CLIP1: variants seen among roughly 807,000 people sequenced by gnomAD.
CLIP1 encodes the protein CAP-Gly domain-containing linker protein 1.
Under a neutral mutation model 161.6 loss-of-function variants are expected in CLIP1, and 66 were observed. That is an observed-to-expected ratio of 0.41 (90% CI 0.33 to 0.50). The LOEUF (loss-of-function observed/expected upper bound fraction) is 0.50. Ranked by LOEUF, CLIP1 falls within the 20% of genes least tolerant of loss-of-function variation. The pLI is 0.27. For missense variants in CLIP1, 1,376 were observed against 1,702.0 expected (o/e 0.81, Z 3.37); for synonymous variants, 598 against 626.2 (o/e 0.96, Z 0.67).
rs758764782 is a variant in CLIP1, at chr12:122,364,065, T to A, written c.700A>T (p.Thr234Ser). ...KAGVVRFLGE[T>S]DFAKGEWCGV... ...CACCACTCCCCCTTGGCAAAGTCGG[T>A]CTCCCCAAGAAACCGGACTACACCA... Residue 234 changes from threonine (T) to serine (S), a missense_variant, in exon 4 of 26, where the codon ACC becomes TCC. By Grantham distance (58) the Thr-to-Ser change is moderately conservative. Coordinates refer to ENST00000620786, the MANE Select transcript of CLIP1 (RefSeq NM_001247997.2). The A allele has an allele frequency of 1.1e-5, 18 of 1,613,934 alleles. No individual in the cohort carries two copies. The African/African-American group carries it at 2.4e-4, about 22-fold the overall frequency.
intron 11 of CLIP1, among the ~76,000 whole-genome samples, chr12:122,340,014 G>A (rs952002661): frequency 5.3e-5 from 8 of 151,392 alleles, no homozygotes; most frequent in Non-Finnish European, 1.2e-4. Flanking sequence ...ATTGTTGATT[G>A]AAACATCATT....
chr12:122,332,185 C>T lies in CLIP1; in HGVS notation c.2867+802G>A, dbSNP rs556282873. On this transcript the variant is annotated intron_variant, in intron 15 of 25. Coordinates refer to ENST00000620786, the MANE Select transcript of CLIP1 (RefSeq NM_001247997.2). ...TGGTGCAAGCCTGTAATCTCAGCTA[C>T]TCGGGAGGCTGAAGCAGGAGAATTG... 3.6e-3 allele frequency among the ~76,000 whole-genome samples: 542 copies of T among 151,264 alleles called. 4 individuals are homozygous for T. The highest frequency in any genetic ancestry group is 6.3e-3 in the South Asian group (30 of 4,778).
chr12:122,361,317 C>T, intron 4 of CLIP1, 136 bp from the exon 5 acceptor site: 1 of 677,298 alleles, frequency 1.5e-6, no homozygotes, highest in South Asian at 1.9e-5. Context: ...GGTTACACAC[C>T]AGCACGTAGC....
At chr12:122,352,691 C>T in intron 8 of CLIP1, 35 bp downstream of exon 8, 1 of 1,547,660 alleles carries the variant, frequency 6.5e-7, no homozygotes, top group Non-Finnish European at 8.9e-7. Context: ...ATACTGATAC[C>T]CATAAAAGCT....
At chr12:122,376,489 C>CA (rs1954739669) in intron 3 of CLIP1, among the ~76,000 whole-genome samples, 1 of 152,032 alleles carries the variant, frequency 6.6e-6, no homozygotes. Context: ...TTCTTTGAGA[C>CA]AGAGTCTCGC....
At chr12:122,415,223 T>C (rs1333341598) in intron 1 of CLIP1, among the ~76,000 whole-genome samples, 1 of 152,160 alleles carries the variant, frequency 6.6e-6, no homozygotes, top group Non-Finnish European at 1.5e-5. Flanking sequence ...GGCTCACGCC[T>C]GTAATCCCAG....
chr12:122,328,564 AATTTTGTTTT>A lies in CLIP1; in HGVS notation c.2868-148_2868-139del, dbSNP rs968552574. On this transcript the variant is annotated intron_variant, in intron 15 of 25. Transcript: ENST00000620786. ...TTAATAACATCAGAACTAGGCAAGA[AATTTTGTTTT>A]GTTTTGTTTTGTTTTGTTTTGTTTT... 8.6e-6 allele frequency: 4 copies of A among 463,424 alleles called. No individual in the cohort carries two copies. In the African/African-American group the frequency reaches 1.2e-4, roughly 14 times the overall value. 28.7% of individuals were successfully genotyped at this position (463,424 alleles called of 1,614,324 possible).
At chr12:122,298,853 G>A (rs1240851885) in intron 20 of CLIP1, among the ~76,000 whole-genome samples, 2 of 152,040 alleles carry the variant, frequency 1.3e-5, no homozygotes, top group Non-Finnish European at 2.9e-5. Context: ...TACTGGGGAG[G>A]CTGAGGGAGG....
chr12:122,279,276 G>A lies in CLIP1; in HGVS notation c.3648-131C>T. 1.6e-6 allele frequency: 1 copy of A among 606,654 alleles called. No homozygotes were observed. The highest frequency in any genetic ancestry group is 2.6e-5 in the South Asian group (1 of 38,746). The allele number at this position is 606,654 out of a possible 1,614,324, so 37.6% of individuals were successfully genotyped here. On this transcript the variant is annotated intron_variant, in intron 21 of 25. Transcript: ENST00000620786. This position sits in a 1 kb window ranked among gnomAD's most constrained non-coding sequence, Gnocchi z 4.5. ...AAAATATAACAGGGAAGTTTTATAG[G>A]GAGTTAAGGCCATTATGCTCACAAA...
In CLIP1 at chr12:122,327,959, G is replaced by A. The variant is rs145339976; in HGVS notation, c.3237C>T (p.Ala1079=). ...LQELEELRKQ[A]DKAKAAQTAE... ...TCGCGTCACGTACTTTGGCTTTGTCGGCTTGCTTTCTCAGCTCCTCCAGCT... is the reference window on the plus strand; with the variant it reads ...TCGCGTCACGTACTTTGGCTTTGTCAGCTTGCTTTCTCAGCTCCTCCAGCT... Residue 1079 remains alanine, a synonymous_variant, in exon 17 of 26, where the codon GCC becomes GCT. Coordinates refer to ENST00000620786, the MANE Select transcript of CLIP1 (RefSeq NM_001247997.2). 1.5e-5 allele frequency: 25 copies of A among 1,613,850 alleles called. No individual in the cohort carries two copies. Among genetic ancestry groups the A allele is most frequent in the South Asian group, 7.7e-5 (7 of 91,072 alleles).
At chr12:122,294,981 A>G (rs781689416) in intron 20 of CLIP1, among the ~76,000 whole-genome samples, 1 of 150,698 alleles carries the variant, frequency 6.6e-6, no homozygotes. Context: ...GCTTGAACCC[A>G]GGAGGCAGAG....
At chr12:122,300,562 T>A (rs975094244) in intron 20 of CLIP1, among the ~76,000 whole-genome samples, 1 of 152,210 alleles carries the variant, frequency 6.6e-6, no homozygotes, top group African/African-American at 2.4e-5. Flanking sequence ...TTCTTAGGTA[T>A]AAATTAATTC....
intron 15 of CLIP1, among the ~76,000 whole-genome samples, chr12:122,332,174 A>T (rs538278664): frequency 4.6e-5 from 7 of 151,818 alleles, no homozygotes; most frequent in Middle Eastern, 6.8e-3. Flanking sequence ...GCAAGCCTGT[A>T]ATCTCAGCTA....
intron 21 of CLIP1, chr12:122,280,907 C>G (rs1030262157): frequency 2.6e-5 from 4 of 152,206 alleles, no homozygotes; most frequent in African/African-American, 9.7e-5. Context: ...CAAATCACAC[C>G]TGGTTCTATT....
chr12:122,416,122 C>T (rs1375939727), intron 1 of CLIP1, among the ~76,000 whole-genome samples: 2 of 151,722 alleles, frequency 1.3e-5, no homozygotes, highest in Non-Finnish European at 2.9e-5. Context: ...CCTGTAATCC[C>T]AGCTACTCAG....
At chr12:122,273,929 A>C (rs1955283729) in intron 25 of CLIP1, 109 bp downstream of exon 25, 2 of 828,266 alleles carry the variant, frequency 2.4e-6, no homozygotes, top group Non-Finnish European at 1.9e-6. Context: ...ACGAGGTTTC[A>C]TCGTGTTGGC....
intron 1 of CLIP1, among the ~76,000 whole-genome samples, chr12:122,413,855 T>C (rs78909064): frequency 0.078 from 11,810 of 151,276 alleles, 1,503 homozygotes; most frequent in African/African-American, 0.27. Flanking sequence ...CTTCTGGAAG[T>C]GCCATATGGA....
intron 21 of CLIP1, among the ~76,000 whole-genome samples, chr12:122,284,322 G>T (rs567923307): frequency 2.4e-3 from 367 of 151,678 alleles, no homozygotes; most frequent in Non-Finnish European, 4.3e-3. Context: ...AGAAGTAGGA[G>T]AGAGAACTTC....
Position 122,272,872 on chromosome 12 carries a change from T to A in CLIP1, c.*3A>T, listed in dbSNP as rs1955229273. 6.2e-7 allele frequency: 1 copy of A among 1,613,926 alleles called. No homozygotes were observed. Among genetic ancestry groups the A allele is most frequent in the African/African-American group, 1.3e-5 (1 of 74,946 alleles). ...CAAGCCCAGTTCTCCACTGGAGGCTTCATCAGAAGGTTTCGTCGTCATTGC... is the reference window on the plus strand; with the variant it reads ...CAAGCCCAGTTCTCCACTGGAGGCTACATCAGAAGGTTTCGTCGTCATTGC... On this transcript the variant is annotated 3_prime_UTR_variant, in exon 26 of 26. Transcript: ENST00000620786.
Sources: gnomAD v4.1 joint callset for allele counts (sites outside exome capture counted in the v4.1 genomes callset) on GRCh38, gnomAD v4.1.1 for gene constraint, Gnocchi (gnomAD v3.1) non-coding constraint, MANE v1.5 for transcripts, NCBI Gene and HGNC (gene_info 2026-07-23, HGNC 2026-07-21) for gene names.